ARHGEF12: variants seen among roughly 807,000 people sequenced by gnomAD.
ARHGEF12 encodes Rho guanine nucleotide exchange factor 12.
Under a neutral mutation model 211.2 loss-of-function variants are expected in ARHGEF12, and 66 were observed. The observed-to-expected ratio is 0.31, with a 90% CI of 0.26 to 0.38. ARHGEF12 has a LOEUF of 0.38. Ranked by LOEUF, ARHGEF12 falls within the 10% of genes least tolerant of loss-of-function variation. The pLI, the probability that ARHGEF12 is intolerant of heterozygous loss-of-function variation, is 1.00. For missense variants in ARHGEF12, 1,429 were observed against 1,869.5 expected, an observed-to-expected ratio of 0.76 and a Z score of 4.34; for synonymous variants, 592 against 638.4, an observed-to-expected ratio of 0.93 and a Z score of 1.09.
intron 30 of ARHGEF12, 133 bp from the exon 31 acceptor site, chr11:120,472,917 A>G: frequency 1.5e-6 from 1 of 686,658 alleles, no homozygotes; most frequent in Non-Finnish European, 2.6e-6. Context: ...AGCCTCCCAA[A>G]GTGCTGAGAT....
intron 4 of ARHGEF12, among the ~76,000 whole-genome samples, chr11:120,413,952 A>G (rs1324292317): frequency 6.6e-6 from 1 of 152,196 alleles, no homozygotes; most frequent in Non-Finnish European, 1.5e-5. Context: ...TATTTTCATT[A>G]TAGGAGTTAT....
intron 1 of ARHGEF12, among the ~76,000 whole-genome samples, chr11:120,347,212 T>TTCTTTCTTTCTTTCTTTCTC: frequency 1.1e-5 from 1 of 87,482 alleles, no homozygotes; most frequent in Admixed American, 1.1e-4. Context: ...TTCTCTTTCT[T>TTCTTTCTTTCTTTCTTTCTC]TTTCTTTCTT....
intron 1 of ARHGEF12, among the ~76,000 whole-genome samples, chr11:120,383,720 G>C (rs1311259301): frequency 6.6e-6 from 1 of 152,156 alleles, no homozygotes; most frequent in Non-Finnish European, 1.5e-5. Context: ...AGCTTCACTT[G>C]CTCACCTCCT....
chr11:120,431,660 C>T, intron 10 of ARHGEF12, 111 bp from the exon 11 acceptor site: 1 of 1,210,680 alleles, frequency 8.3e-7, no homozygotes, highest in Non-Finnish European at 1.1e-6. Context: ...GAATGTCCAA[C>T]TTTTAGTAGT....
intron 29 of ARHGEF12, among the ~76,000 whole-genome samples, chr11:120,467,599 C>T (rs1565504999): frequency 7.0e-6 from 1 of 143,396 alleles, no homozygotes. Flanking sequence ...TACACCACCA[C>T]ACTTGGCTTT....
intron 7 of ARHGEF12, among the ~76,000 whole-genome samples, chr11:120,426,592 A>G (rs1278577715): frequency 6.6e-6 from 1 of 152,242 alleles, no homozygotes; most frequent in Admixed American, 6.5e-5. Flanking sequence ...TAGGCAAGTG[A>G]GATATAATAG....
At chr11:120,347,260 C>CTG (rs1416973480) in intron 1 of ARHGEF12, among the ~76,000 whole-genome samples, 1 of 117,142 alleles carries the variant, frequency 8.5e-6, no homozygotes, top group Non-Finnish European at 1.8e-5. Flanking sequence ...CTCTCTCTCT[C>CTG]TCTCTCTGTC....
At position 120,367,353 on chromosome 11, in the gene ARHGEF12, C is replaced by CTTTTTT. The variant is rs1025919456; in HGVS notation, c.32+30103_32+30108dup. On this transcript the variant is annotated intron_variant, in intron 1 of 40. Transcript: ENST00000397843. The stretch of plus-strand genomic sequence containing the variant: ...AAAAAATCTGTTAGGATACTTTTTC[C>CTTTTTT]TTTTTTTTTTTTTTTTTTTTTTTTT... Among the ~76,000 whole-genome samples the CTTTTTT allele has an allele frequency of 2.8e-3, 168 of 59,350 alleles. 45 individuals carry two copies. The highest frequency in any genetic ancestry group is 0.015 in the Middle Eastern group (1 of 68). The allele number at this position is 59,350 out of a possible 152,430, so 38.9% of individuals were successfully genotyped here.
intron 29 of ARHGEF12, among the ~76,000 whole-genome samples, 165 bp from the exon 30 acceptor site, chr11:120,469,123 G>A (rs1946796310): frequency 6.6e-6 from 1 of 152,160 alleles, no homozygotes; most frequent in Non-Finnish European, 1.5e-5. Context: ...CCTGTCCAAA[G>A]ACTGCTTGAA....
intron 1 of ARHGEF12, among the ~76,000 whole-genome samples, chr11:120,362,131 A>T (rs1302338757): frequency 6.6e-6 from 1 of 152,236 alleles, no homozygotes; most frequent in East Asian, 1.9e-4. Context: ...AGTGTCTCAA[A>T]TTGGCTGAAT....
At chr11:120,455,032 A>C (rs1274646389) in intron 22 of ARHGEF12, among the ~76,000 whole-genome samples, 1 of 151,294 alleles carries the variant, frequency 6.6e-6, no homozygotes, top group Non-Finnish European at 1.5e-5. Flanking sequence ...AGTTTAAAGG[A>C]AAAAAAAGAA....
intron 1 of ARHGEF12, among the ~76,000 whole-genome samples, chr11:120,364,515 GATCACCCAC>G (rs1286201995): frequency 6.6e-6 from 1 of 152,162 alleles, no homozygotes; most frequent in Non-Finnish European, 1.5e-5. Flanking sequence ...TATACAAAGA[GATCACCCAC>G]ACCATTATTT....
rs79975269 is a variant in ARHGEF12 at position 120,453,132 on chromosome 11, C to T, written c.2056+1408C>T. 8.2e-3 allele frequency among the ~76,000 whole-genome samples: 1,244 copies of T among 152,204 alleles called. 8 individuals are homozygous for T. The highest frequency in any genetic ancestry group is 0.013 in the Non-Finnish European group (884 of 68,022). On this transcript the variant is annotated intron_variant, in intron 22 of 40. Coordinates refer to ENST00000397843, the MANE Select transcript of ARHGEF12 (RefSeq NM_015313.3). The stretch of plus-strand genomic sequence containing the variant: ...AAGACAGAAATATTAGTTTCTGTCT[C>T]AGAGGGCTGTAGCAGAAGAGGTAAG...
intron 7 of ARHGEF12, 127 bp downstream of exon 7, chr11:120,424,542 T>G: frequency 1.6e-6 from 1 of 627,170 alleles, no homozygotes; most frequent in South Asian, 2.3e-5. Context: ...TACTGCCGAC[T>G]CTGTCATTGT....
chr11:120,401,500 A>G (rs1025020080), intron 1 of ARHGEF12, among the ~76,000 whole-genome samples: 13 of 152,248 alleles, frequency 8.5e-5, no homozygotes, highest in Non-Finnish European at 1.0e-4. Context: ...TTTAAGTACC[A>G]TGTTTTAAGC....
At chr11:120,429,658 TG>T (rs1945467287) in intron 9 of ARHGEF12, 53 bp from the exon 10 acceptor site, 4 of 1,579,210 alleles carry the variant, frequency 2.5e-6, no homozygotes, top group Admixed American at 1.7e-5. Context: ...GGACTATTTC[TG>T]TATCTTTTTT....
At chr11:120,439,950 G>T (rs1404787861) in intron 12 of ARHGEF12, 179 bp from the exon 13 acceptor site, 6 of 574,628 alleles carry the variant, frequency 1.0e-5, no homozygotes, top group Non-Finnish European at 1.8e-5. Flanking sequence ...TGCCAGAGTG[G>T]TACATGGCCT....
intron 1 of ARHGEF12, among the ~76,000 whole-genome samples, chr11:120,356,149 G>A (rs1324683315): frequency 1.3e-5 from 2 of 152,144 alleles, no homozygotes; most frequent in Non-Finnish European, 2.9e-5. Context: ...ATATTTGATA[G>A]GATTCTACTT....
rs201154885 is a variant in ARHGEF12 at position 120,441,787 on chromosome 11, T to C, written c.1173T>C (p.His391=). 7.3e-4 allele frequency: 1,181 copies of C among 1,613,880 alleles called. 1 individual carries two copies. Among genetic ancestry groups the C allele is most frequent in the Non-Finnish European group, 9.6e-4 (1,128 of 1,179,792 alleles). ...RPAHLAVFLH[H]VVSQFDPATL... ...CTCATTTGGCTGTTTTCTTACACCA[T>C]GTAGTTTCACAATTTGACCCTGCGA... is the stretch of plus-strand genomic sequence containing the variant. Residue 391 remains histidine, a synonymous_variant, in exon 14 of 41, where the codon CAT becomes CAC. Coordinates refer to ENST00000397843, the MANE Select transcript of ARHGEF12 (RefSeq NM_015313.3).
Sources: gnomAD v4.1 joint callset for allele counts (sites outside exome capture counted in the v4.1 genomes callset) on GRCh38, gnomAD v4.1.1 for gene constraint, MANE v1.5 for transcripts, NCBI Gene and HGNC (gene_info 2026-07-23, HGNC 2026-07-21) for gene names.